TRDN: variants seen among roughly 807,000 people sequenced by gnomAD.
TRDN encodes the protein triadin in skeletal muscle.
In TRDN, 161 loss-of-function variants were observed where a neutral mutation model predicts 149.7. The observed-to-expected ratio is 1.08, with a 90% CI of 0.95 to 1.23. The LOEUF (loss-of-function observed/expected upper bound fraction) is 1.23, where lower values mean the gene tolerates loss of function less well. Ranked by LOEUF, TRDN falls within the 50% of genes most tolerant of loss-of-function variation. The pLI is 0.00. For synonymous variants in TRDN, 294 were observed against 250.5 expected (o/e 1.17, Z -1.64); for missense variants, 896 against 823.5 (o/e 1.09, Z -1.08).
chr6:123,219,076 C>T (rs907750051), intron 40 of TRDN, among the ~76,000 whole-genome samples: 1 of 151,842 alleles, frequency 6.6e-6, no homozygotes, highest in Non-Finnish European at 1.5e-5. Flanking sequence ...TGTTGATGTG[C>T]ATAGCAATCA....
At chr6:123,403,909 A>G (rs1773090025) in intron 12 of TRDN, among the ~76,000 whole-genome samples, 1 of 152,172 alleles carries the variant, frequency 6.6e-6, no homozygotes, top group Admixed American at 6.5e-5. Context: ...GAAGGGAGGA[A>G]AATGGGACAA....
At chr6:123,239,635 T>C (rs928758152) in intron 38 of TRDN, among the ~76,000 whole-genome samples, 1 of 152,062 alleles carries the variant, frequency 6.6e-6, no homozygotes, top group Non-Finnish European at 1.5e-5. Context: ...ATATACTCTA[T>C]AAATAAAATC....
At position 123,414,781 on chromosome 6, in the gene TRDN, C is replaced by T. The variant is rs184799806; in HGVS notation, c.1052-21104G>A. ...TGCTCACAATTAGTAATATAAGAAT[C>T]TTTTGATTATTGCTGGAAAATGAGT... On this transcript the variant is annotated intron_variant, in intron 12 of 40. Coordinates refer to ENST00000334268, the MANE Select transcript of TRDN (RefSeq NM_006073.4). Among the ~76,000 whole-genome samples the T allele has an allele frequency of 1.6e-3, 240 of 152,088 alleles. 1 individual carries two copies. Among genetic ancestry groups the T allele is most frequent in the African/African-American group, 5.4e-3 (223 of 41,524 alleles).
At chr6:123,351,208 T>C (rs761250638) in intron 21 of TRDN, 60 of 982,958 alleles carry the variant, frequency 6.1e-5, no homozygotes, top group Non-Finnish European at 7.1e-5. Context: ...ATTGATTTTA[T>C]AAGAAAAAAT....
Position 123,584,382 on chromosome 6 carries a change from A to T in TRDN, c.23-13250T>A, listed in dbSNP as rs551751297. ...GTATTAGGGTGGCAGCAGCCGCTGC[A>T]CGGAGACATGATGCCTAGGCTAAAA... On this transcript the variant is annotated intron_variant, in intron 1 of 40. Transcript: ENST00000334268. 5.3e-5 allele frequency among the ~76,000 whole-genome samples: 6 copies of T among 112,834 alleles called. No homozygotes were observed. In the South Asian group the frequency reaches 1.9e-3, roughly 35 times the overall value. The allele number at this position is 112,834 out of a possible 152,430, so 74.0% of individuals were successfully genotyped here. A position where few individuals can be genotyped will look rare whatever the true frequency, so the allele number is the denominator to read the frequency against.
At chr6:123,515,124 T>C (rs1779357439) in intron 6 of TRDN, among the ~76,000 whole-genome samples, 1 of 151,400 alleles carries the variant, frequency 6.6e-6, no homozygotes, top group South Asian at 2.1e-4. Flanking sequence ...ACATGACACC[T>C]TCAAAGGAAC....
intron 6 of TRDN, among the ~76,000 whole-genome samples, chr6:123,514,311 C>T (rs930126773): frequency 1.1e-4 from 17 of 152,042 alleles, no homozygotes; most frequent in African/African-American, 9.7e-5. Flanking sequence ...GCCAAGATTG[C>T]ACCACTGCAC....
chr6:123,601,818 C>T (rs1196599426), intron 1 of TRDN, among the ~76,000 whole-genome samples: 2 of 152,124 alleles, frequency 1.3e-5, no homozygotes, highest in African/African-American at 4.8e-5. Flanking sequence ...TTGTGCAACA[C>T]TTCAGTTTGT....
chr6:123,516,166 T>C lies in TRDN; in HGVS notation c.525A>G (p.Arg175=), dbSNP rs1336385204. ...KEKEKGKEKV[R]EKEKPEKKAT... The stretch of plus-strand genomic sequence containing the variant: ...CTTTCTTTTCAGGTTTTTCTTTTTC[T>C]CTTACTTTTTCTTTTCCTTTTTCTT... The change falls in exon 6 of 41, where the codon AGA becomes AGG. Residue 175 remains arginine (R), a synonymous_variant. Coordinates refer to ENST00000334268, the MANE Select transcript of TRDN (RefSeq NM_006073.4). 6.7e-7 allele frequency: 1 copy of C among 1,491,372 alleles called. No individual in the cohort carries two copies. Among genetic ancestry groups the C allele is most frequent in the Non-Finnish European group, 9.0e-7 (1 of 1,108,498 alleles). 92.4% of individuals were successfully genotyped at this position (1,491,372 alleles called of 1,614,324 possible). A position where few individuals can be genotyped will look rare whatever the true frequency, so the allele number is the denominator to read the frequency against.
intron 21 of TRDN, among the ~76,000 whole-genome samples, chr6:123,346,077 G>A (rs574731586): frequency 6.6e-6 from 1 of 152,010 alleles, no homozygotes; most frequent in Non-Finnish European, 1.5e-5. Flanking sequence ...ATGAAGGGGC[G>A]TGAAAGCGAA....
At chr6:123,229,387 C>T (rs1449586843) in intron 38 of TRDN, among the ~76,000 whole-genome samples, 1 of 152,014 alleles carries the variant, frequency 6.6e-6, no homozygotes, top group East Asian at 1.9e-4. Context: ...TTCTGGTTAA[C>T]TGAAGGACTT....
chr6:123,451,026 G>A (rs1173696297), intron 10 of TRDN, among the ~76,000 whole-genome samples: 6 of 151,866 alleles, frequency 4.0e-5, no homozygotes, highest in Non-Finnish European at 5.9e-5. Context: ...AAATCAAGAA[G>A]GAAATTTAAA....
chr6:123,391,189 CA>C (rs1436607929), intron 13 of TRDN, among the ~76,000 whole-genome samples: 3 of 152,018 alleles, frequency 2.0e-5, no homozygotes, highest in Admixed American at 1.3e-4. Flanking sequence ...TAATTGGCTC[CA>C]AAAAAATTAT....
chr6:123,522,521 T>A lies in TRDN; in HGVS notation c.485-6315A>T, dbSNP rs1032078985. 1.7e-3 allele frequency among the ~76,000 whole-genome samples: 256 copies of A among 146,438 alleles called. 8 individuals are homozygous for A. The South Asian group carries it at 0.049, about 28-fold the overall frequency. Reference sequence around the variant, plus strand: ...GATTGTGGGGGTGCGGTTCCTCTTTTTTTTTTTTTTTTTTTTTTGCATTTT... The same window carrying A: ...GATTGTGGGGGTGCGGTTCCTCTTTATTTTTTTTTTTTTTTTTTGCATTTT... On this transcript the variant is annotated intron_variant, in intron 5 of 40. Transcript: ENST00000334268.
In TRDN at chr6:123,218,329, T is replaced by C. The variant is rs1775019110; in HGVS notation, c.*272A>G. 1 of 270,682 alleles carries C rather than the reference T, an allele frequency of 3.7e-6. No individual in the cohort carries two copies. The highest frequency in any genetic ancestry group is 6.9e-6 in the Non-Finnish European group (1 of 144,802). The allele number at this position is 270,682 out of a possible 1,614,324, so 16.8% of individuals were successfully genotyped here. ...TAAGTAAACTTTAAATTAGTTTGTGTACAACCTTATAGTGACTGGAAATAA... is the reference window on the plus strand; with the variant it reads ...TAAGTAAACTTTAAATTAGTTTGTGCACAACCTTATAGTGACTGGAAATAA... On this transcript the variant is annotated 3_prime_UTR_variant, in exon 41 of 41. Transcript: ENST00000334268.
intron 21 of TRDN, chr6:123,350,864 GT>G (rs996646258): frequency 4.6e-5 from 45 of 983,220 alleles, no homozygotes; most frequent in Non-Finnish European, 5.4e-5. Flanking sequence ...GAAGATTTTA[GT>G]AAACAAAATT....
At chr6:123,530,454 T>A (rs1168659112) in intron 5 of TRDN, 52 bp downstream of exon 5, 41 of 1,088,532 alleles carry the variant, frequency 3.8e-5, no homozygotes, top group Non-Finnish European at 4.9e-5. Context: ...CGCATATGAA[T>A]ACACAAAAAT....
chr6:123,551,620 A>T (rs889133771), intron 2 of TRDN, among the ~76,000 whole-genome samples: 1 of 152,090 alleles, frequency 6.6e-6, no homozygotes, highest in Non-Finnish European at 1.5e-5. Flanking sequence ...CCATTATAAA[A>T]ACTTTACAGG....
chr6:123,268,423 ATC>A lies in TRDN; in HGVS notation c.1739-674_1739-673del, dbSNP rs537872905. 3.1e-3 allele frequency among the ~76,000 whole-genome samples: 469 copies of A among 152,206 alleles called. 1 individual carries two copies. Among genetic ancestry groups the A allele is most frequent in the African/African-American group, 0.011 (440 of 41,564 alleles). ...TATTTGAATTAAAAATTTTAAAGAGATCATTCTCTTTCATCAAAAGTGGAATT... is the reference window on the plus strand; with the variant it reads ...TATTTGAATTAAAAATTTTAAAGAGAATTCTCTTTCATCAAAAGTGGAATT... On this transcript the variant is annotated intron_variant, in intron 31 of 40. Transcript: ENST00000334268.
Sources: gnomAD v4.1 joint callset for allele counts (sites outside exome capture counted in the v4.1 genomes callset) on GRCh38, gnomAD v4.1.1 for gene constraint, MANE v1.5 for transcripts, NCBI Gene and HGNC (gene_info 2026-07-23, HGNC 2026-07-21) for gene names.